Variants in OLFM2 observed in about 807,000 individuals in gnomAD.
The protein encoded by OLFM2 is noelin-2.
In OLFM2, 20 loss-of-function variants were observed where a neutral mutation model predicts 43.9. The ratio of observed to expected loss-of-function variants is 0.46; its 90% CI spans 0.32 to 0.66. The LOEUF is 0.66. Among genes scored for constraint, OLFM2 ranks in the 30% least tolerant of loss-of-function variants. OLFM2 has a pLI of 0.04. For missense variants in OLFM2, 416 were observed against 643.6 expected, an observed-to-expected ratio of 0.65 and a Z score of 3.83; for synonymous variants, 268 against 278.6, an observed-to-expected ratio of 0.96 and a Z score of 0.38.
At chr19:9,863,373 CCTTA>C (rs956512446) in intron 1 of OLFM2, among the ~76,000 whole-genome samples, 1 of 151,910 alleles carries the variant, frequency 6.6e-6, no homozygotes, top group Non-Finnish European at 1.5e-5. Context: ...CGAGACGTGA[CCTTA>C]CTTGGGTGTT....
intron 1 of OLFM2, among the ~76,000 whole-genome samples, chr19:9,897,252 C>T (rs531294981): frequency 1.9e-4 from 29 of 151,762 alleles, no homozygotes; most frequent in Admixed American, 1.1e-3. Context: ...TCACTTGAAC[C>T]CAGAGGTGGA....
At chr19:9,864,796 T>TC (rs1413396633) in intron 1 of OLFM2, among the ~76,000 whole-genome samples, 9 of 148,950 alleles carry the variant, frequency 6.0e-5, no homozygotes, top group African/African-American at 2.2e-4. Flanking sequence ...GCTTTTTTTT[T>TC]TTTTTTTTTT....
chr19:9,892,064 A>G (rs2046644435), intron 1 of OLFM2, among the ~76,000 whole-genome samples: 1 of 152,024 alleles, frequency 6.6e-6, no homozygotes, highest in Admixed American at 6.6e-5. Context: ...GAGGAGGGCT[A>G]TGTCTGAGTG....
At chr19:9,909,868 A>G (rs761640373) in intron 1 of OLFM2, among the ~76,000 whole-genome samples, 5 of 152,116 alleles carry the variant, frequency 3.3e-5, no homozygotes, top group Non-Finnish European at 7.3e-5. Context: ...ACTAAACACT[A>G]CTATGTGCCC....
In OLFM2 at chr19:9,857,331, C is replaced by T; in HGVS notation, c.512G>A (p.Gly171Glu). The T allele has an allele frequency of 6.2e-7, 1 of 1,614,156 alleles. No individual in the cohort carries two copies. The highest frequency in any genetic ancestry group is 8.5e-7 in the Non-Finnish European group (1 of 1,180,022). Residue 171 changes from glycine (G) to glutamate (E), a missense_variant, in exon 4 of 6, where the codon GGG becomes GAG. Transcript: ENST00000264833. This position sits in a 1 kb window ranked among gnomAD's most constrained non-coding sequence, Gnocchi z 5.7. The stretch of plus-strand genomic sequence containing the variant: ...CACCCGTTGCTGCAGGTCCTCATAC[C>T]CGTAGGCACCCATCTCCTCCTGAAT... Reference protein sequence around the residue: ...AAIQEEMGAYGYEDLQQRVMA... With the variant: ...AAIQEEMGAYEYEDLQQRVMA...
intron 1 of OLFM2, among the ~76,000 whole-genome samples, chr19:9,931,699 A>G (rs1207773903): frequency 6.8e-6 from 1 of 147,832 alleles, no homozygotes; most frequent in Non-Finnish European, 1.5e-5. Flanking sequence ...ACAGAACAAG[A>G]CTCCATCTCA....
intron 1 of OLFM2, among the ~76,000 whole-genome samples, chr19:9,892,712 T>A (rs2046649614): frequency 6.6e-6 from 1 of 152,040 alleles, no homozygotes; most frequent in Non-Finnish European, 1.5e-5. Flanking sequence ...CAAATAAAAA[T>A]AAAATTCTCA....
chr19:9,901,973 G>C (rs1274418400), intron 1 of OLFM2, among the ~76,000 whole-genome samples: 1 of 152,158 alleles, frequency 6.6e-6, no homozygotes, highest in African/African-American at 2.4e-5. Flanking sequence ...CATAGATTCT[G>C]TGTACAATTC....
At chr19:9,900,994 G>A (rs2046730415) in intron 1 of OLFM2, among the ~76,000 whole-genome samples, 1 of 56,556 alleles carries the variant, frequency 1.8e-5, no homozygotes, top group East Asian at 6.8e-4. Context: ...AAGGAAGGGA[G>A]GGAGGGGGGA....
rs144076968 is a variant in OLFM2, at chr19:9,911,484, CACACACAT to C, written c.63+24812_63+24819del. 4.6e-3 allele frequency among the ~76,000 whole-genome samples: 697 copies of C among 152,192 alleles called. 3 individuals are homozygous for C. Among genetic ancestry groups the C allele is most frequent in the Non-Finnish European group, 6.5e-3 (444 of 68,008 alleles). On this transcript the variant is annotated intron_variant, in intron 1 of 5. Transcript: ENST00000264833. ...AGTGGAGATCAGGTCTGTTTGGGCACACACACATACACACTTACAGAAAACACACAGCA... is the reference window on the plus strand; with the variant it reads ...AGTGGAGATCAGGTCTGTTTGGGCACACACACTTACAGAAAACACACAGCA...
intron 1 of OLFM2, among the ~76,000 whole-genome samples, chr19:9,914,093 CCCTCCCCCTAGGCGGTGTTCCCGGACCG>C (rs1459959103): frequency 6.6e-6 from 1 of 151,776 alleles, no homozygotes; most frequent in Non-Finnish European, 1.5e-5. Flanking sequence ...TTCCCGGCCC[CCCTCCCCCTAGGCGGTGTTCCCGGACCG>C]CCTCCCGCAC....
intron 1 of OLFM2, among the ~76,000 whole-genome samples, chr19:9,887,410 C>T (rs894001671): frequency 2.0e-5 from 3 of 152,108 alleles, no homozygotes; most frequent in Non-Finnish European, 4.4e-5. Flanking sequence ...AACTCCTAAC[C>T]TCAAGTGATC....
intron 1 of OLFM2, among the ~76,000 whole-genome samples, chr19:9,929,808 G>A (rs2086472228): frequency 6.6e-6 from 1 of 151,994 alleles, no homozygotes; most frequent in African/African-American, 2.4e-5. Context: ...GGGAGGCTGA[G>A]GCAGGCAGAT....
chr19:9,913,672 G>T, intron 1 of OLFM2: 1 of 1,127,610 alleles, frequency 8.9e-7, no homozygotes, highest in South Asian at 2.9e-5. Flanking sequence ...TCTCTGGCCC[G>T]CCGCGGGGCG....
chr19:9,930,161 CA>C (rs1478121031), intron 1 of OLFM2, among the ~76,000 whole-genome samples: 1 of 151,660 alleles, frequency 6.6e-6, no homozygotes, highest in Middle Eastern at 3.2e-3. Flanking sequence ...TGAACATGCA[CA>C]CAGTCACCAA....
intron 1 of OLFM2, among the ~76,000 whole-genome samples, chr19:9,931,348 C>A (rs1253739625): frequency 6.6e-6 from 1 of 152,126 alleles, no homozygotes; most frequent in Non-Finnish European, 1.5e-5. Flanking sequence ...CTCCTGGGCT[C>A]AAGTGATCTT....
chr19:9,892,506 T>C (rs1000760745), intron 1 of OLFM2, among the ~76,000 whole-genome samples: 1 of 151,854 alleles, frequency 6.6e-6, no homozygotes, highest in Non-Finnish European at 1.5e-5. Flanking sequence ...AGGCCAGGAG[T>C]TCGAGACCAG....
rs2046324979 is a variant in OLFM2, at chr19:9,857,060, G to T, written c.581-147C>A. On this transcript the variant is annotated intron_variant, in intron 4 of 5. Coordinates refer to ENST00000264833, the MANE Select transcript of OLFM2 (RefSeq NM_058164.4). The surrounding 1 kb of genome is among the most constrained non-coding windows in gnomAD (Gnocchi z 5.7). ...AAATCTGGTCCCAATATGTTGTTCA[G>T]TTGTGAGTGAGGGGTTAGAGGCCAA... 2 of 832,400 alleles carry T rather than the reference G, an allele frequency of 2.4e-6. No individual in the cohort carries two copies. Among genetic ancestry groups the T allele is most frequent in the South Asian group, 1.6e-5 (1 of 61,384 alleles). The allele number at this position is 832,400 out of a possible 1,614,324, so 51.6% of individuals were successfully genotyped here. A position where few individuals can be genotyped will look rare whatever the true frequency, so the allele number is the denominator to read the frequency against.
Position 9,936,418 on chromosome 19 carries a change from GGC to G in OLFM2, c.-54_-53del. On this transcript the variant is annotated 5_prime_UTR_variant, in exon 1 of 6. Transcript: ENST00000264833. ...CCCCCGCCCGCCCTAGCGGCGCCTC[GGC>G]GCGGGGACCGCCACCAGGCGCGACC... The G allele has an allele frequency of 1.7e-6, 2 of 1,194,664 alleles. No individual in the cohort carries two copies. The highest frequency in any genetic ancestry group is 2.1e-6 in the Non-Finnish European group (2 of 964,356). 74.0% of individuals were successfully genotyped at this position (1,194,664 alleles called of 1,614,324 possible).
Sources: gnomAD v4.1 joint callset for allele counts (sites outside exome capture counted in the v4.1 genomes callset) on GRCh38, gnomAD v4.1.1 for gene constraint, Gnocchi (gnomAD v3.1) non-coding constraint, MANE v1.5 for transcripts, NCBI Gene and HGNC (gene_info 2026-07-23, HGNC 2026-07-21) for gene names.